GPSM2: variants seen among roughly 807,000 people sequenced by gnomAD.
GPSM2 encodes the protein G protein-signaling modulator 2.
Under a neutral mutation model 78.4 loss-of-function variants are expected in GPSM2, and 58 were observed. The ratio of observed to expected loss-of-function variants is 0.74; its 90% CI spans 0.60 to 0.92. The LOEUF (loss-of-function observed/expected upper bound fraction) is 0.92, where lower values mean the gene tolerates loss of function less well. Ranked by LOEUF, GPSM2 falls within the 40% of genes least tolerant of loss-of-function variation. GPSM2 has a pLI of 0.00. For missense variants in GPSM2, 700 were observed against 815.5 expected, an observed-to-expected ratio of 0.86 and a Z score of 1.73; for synonymous variants, 224 against 280.2, an observed-to-expected ratio of 0.80 and a Z score of 2.00.
chr1:108,915,286 G>A (rs570788942), intron 11 of GPSM2, among the ~76,000 whole-genome samples: 2 of 145,872 alleles, frequency 1.4e-5, no homozygotes, highest in South Asian at 2.2e-4. Context: ...CAGGAGAATC[G>A]CTTGAACCTG....
In GPSM2 at chr1:108,904,116, G is replaced by C; in HGVS notation, c.1063-9G>C. The C allele has an allele frequency of 6.3e-7, 1 of 1,576,258 alleles. No individual in the cohort carries two copies. The highest frequency in any genetic ancestry group is 1.1e-5 in the South Asian group (1 of 90,244). The stretch of plus-strand genomic sequence containing the variant: ...ATACTACTCTAAAATATAAATGTTT[G>C]TGTTGTAGGTTGGGGATAAAAGTGG... On this transcript the variant is annotated splice_polypyrimidine_tract_variant and intron_variant, in intron 9 of 14. Transcript: ENST00000264126.
At chr1:108,900,057 C>T (rs1053660071) in intron 7 of GPSM2, among the ~76,000 whole-genome samples, 8 of 151,952 alleles carry the variant, frequency 5.3e-5, no homozygotes, top group African/African-American at 1.9e-4. Context: ...AATGGTGTAT[C>T]TGTGTTAAAT....
intron 10 of GPSM2, among the ~76,000 whole-genome samples, chr1:108,911,210 T>G (rs1176736077): frequency 6.6e-6 from 1 of 152,068 alleles, no homozygotes; most frequent in Non-Finnish European, 1.5e-5. Flanking sequence ...AAAATGTACT[T>G]TAAGGCAAAG....
At chr1:108,886,968 C>T (rs900387701) in intron 2 of GPSM2, among the ~76,000 whole-genome samples, 7 of 151,538 alleles carry the variant, frequency 4.6e-5, no homozygotes, top group African/African-American at 1.7e-4. Context: ...CTCACTGTAA[C>T]CTCCGCCTCC....
chr1:108,907,041 C>T (rs1449657665), intron 10 of GPSM2, among the ~76,000 whole-genome samples: 6 of 152,188 alleles, frequency 3.9e-5, no homozygotes. Flanking sequence ...ATCCTCAGTC[C>T]TCACCATGGT....
At chr1:108,903,830 C>T (rs1286262524) in intron 9 of GPSM2, among the ~76,000 whole-genome samples, 1 of 152,042 alleles carries the variant, frequency 6.6e-6, no homozygotes, top group Non-Finnish European at 1.5e-5. Context: ...TACATTATTA[C>T]TTAGTATGAT....
chr1:108,902,002 C>G (rs1648866034), intron 8 of GPSM2, 57 bp downstream of exon 8: 2 of 1,225,698 alleles, frequency 1.6e-6, no homozygotes, highest in Non-Finnish European at 2.4e-6. Context: ...ATTATTGAAT[C>G]CCTAGAATTT....
intron 7 of GPSM2, 152 bp downstream of exon 7, chr1:108,899,146 G>T: frequency 1.6e-6 from 1 of 640,502 alleles, no homozygotes; most frequent in Non-Finnish European, 2.8e-6. Context: ...ACTTCATTTT[G>T]GGGAATGCTG....
chr1:108,913,605 TAAG>T, intron 10 of GPSM2, among the ~76,000 whole-genome samples: 1 of 152,254 alleles, frequency 6.6e-6, no homozygotes, highest in South Asian at 2.1e-4. Flanking sequence ...GCTGTATTGC[TAAG>T]AAATACATAC....
chr1:108,925,156 G>C (rs1413920505), intron 14 of GPSM2, among the ~76,000 whole-genome samples: 2 of 152,180 alleles, frequency 1.3e-5, no homozygotes, highest in African/African-American at 4.8e-5. Flanking sequence ...ACTGGGAAAT[G>C]AATGGTTCTA....
rs1648570150 is a variant in GPSM2, at chr1:108,898,779, C to A, written c.681+14C>A. ...GCTCATGAGCAGGTACAGTGGAAAG[C>A]CTTGGAGCCAGATCATTTCCTCCAT... On this transcript the variant is annotated intron_variant, in intron 6 of 14. Transcript: ENST00000264126. The A allele has an allele frequency of 6.2e-7, 1 of 1,613,554 alleles. No homozygotes were observed.
intron 10 of GPSM2, among the ~76,000 whole-genome samples, chr1:108,907,534 G>C (rs1273648745): frequency 6.6e-6 from 1 of 152,160 alleles, no homozygotes; most frequent in Non-Finnish European, 1.5e-5. Flanking sequence ...AAGTTCTTCA[G>C]ATGTTAGAAT....
chr1:108,879,321 G>A (rs1665780592), intron 1 of GPSM2, among the ~76,000 whole-genome samples: 1 of 152,200 alleles, frequency 6.6e-6, no homozygotes, highest in South Asian at 2.1e-4. Context: ...AGAAATTAAA[G>A]TTTGTTGGGC....
At chr1:108,888,032 G>A (rs11811367) in intron 2 of GPSM2, among the ~76,000 whole-genome samples, 3,962 of 152,178 alleles carry the variant, frequency 0.026, 169 homozygotes, top group African/African-American at 0.09. Context: ...TTAATAAGGT[G>A]ATTAGGGAAT....
intron 7 of GPSM2, among the ~76,000 whole-genome samples, chr1:108,900,464 C>T (rs954282337): frequency 2.0e-5 from 3 of 152,052 alleles, no homozygotes; most frequent in African/African-American, 4.8e-5. Flanking sequence ...GTCTGGGACT[C>T]CTGACCTCAA....
intron 11 of GPSM2, among the ~76,000 whole-genome samples, chr1:108,918,216 A>G (rs139281170): frequency 1.3e-5 from 2 of 152,278 alleles, no homozygotes; most frequent in South Asian, 2.1e-4. Context: ...TATGTTTTAT[A>G]TATTAATTTT....
chr1:108,896,130 T>C (rs1160275072), intron 2 of GPSM2, among the ~76,000 whole-genome samples: 1 of 152,202 alleles, frequency 6.6e-6, no homozygotes, highest in Non-Finnish European at 1.5e-5. Context: ...AAAGTATCAG[T>C]GTTTTTTTCT....
At position 108,934,529 on chromosome 1, in the gene GPSM2, G is replaced by A. The variant is rs77705964; in HGVS notation, c.*4589G>A. 12,116 of 921,216 alleles carry A rather than the reference G, an allele frequency of 0.013. 185 individuals are homozygous for A. Among genetic ancestry groups the A allele is most frequent in the South Asian group, 0.052 (2,706 of 51,832 alleles). 57.1% of individuals were successfully genotyped at this position (921,216 alleles called of 1,614,324 possible). ...TAATTCTAATTGTCAGTAAAAATGT[G>A]AATGTTGAAGTTGAAATGTGAATGT... On this transcript the variant is annotated 3_prime_UTR_variant, in exon 15 of 15. Coordinates refer to ENST00000264126, the MANE Select transcript of GPSM2 (RefSeq NM_013296.5).
At chr1:108,924,251 C>A in intron 14 of GPSM2, 37 bp downstream of exon 14, 3 of 1,219,078 alleles carry the variant, frequency 2.5e-6, no homozygotes, top group Non-Finnish European at 3.6e-6. Context: ...GCATACAGCT[C>A]AGATACCACT....
Sources: gnomAD v4.1 joint callset for allele counts (sites outside exome capture counted in the v4.1 genomes callset) on GRCh38, gnomAD v4.1.1 for gene constraint, MANE v1.5 for transcripts, NCBI Gene and HGNC (gene_info 2026-07-23, HGNC 2026-07-21) for gene names.